The following GALNT13 variants were observed in gnomAD, a reference collection of about 807,000 sequenced individuals.
The protein encoded by GALNT13 is UDP-GalNAc:polypeptide N-acetylgalactosaminyltransferase 13.
A neutral mutation model predicts 64.2 loss-of-function variants in GALNT13; 28 were observed. That is an observed-to-expected ratio of 0.44 (90% CI 0.32 to 0.60). GALNT13 has a LOEUF of 0.60. GALNT13 is among the 20% of genes least tolerant of loss of function. GALNT13 has a pLI of 0.05. For missense variants in GALNT13, 577 were observed against 669.8 expected (o/e 0.86, Z 1.53); for synonymous variants, 214 against 224.6 (o/e 0.95, Z 0.42).
chr2:154,040,273 A>G (rs990534003), intron 3 of GALNT13, among the ~76,000 whole-genome samples: 1 of 140,838 alleles, frequency 7.1e-6, no homozygotes, highest in African/African-American at 2.4e-5. Context: ...TGCTCAAATC[A>G]AGAAGGTCAT....
At chr2:153,332,534 G>GTTTTTTTTTTTTTTTTTTTTT in the GALNT13 span, among the ~76,000 whole-genome samples, 2 of 136,260 alleles carry the variant, frequency 1.5e-5, no homozygotes, top group Non-Finnish European at 1.6e-5. Flanking sequence ...TGAGAGTATT[G>GTTTTTTTTTTTTTTTTTTTTT]TTTTTTTTTT....
chr2:153,195,817 A>G, the GALNT13 span, among the ~76,000 whole-genome samples: 1 of 152,206 alleles, frequency 6.6e-6, no homozygotes, highest in African/African-American at 2.4e-5. Context: ...GGTGAGCAAG[A>G]CAAAGAGGAG....
At chr2:153,379,093 G>A in the GALNT13 span, among the ~76,000 whole-genome samples, 6 of 152,082 alleles carry the variant, frequency 3.9e-5, no homozygotes, top group Non-Finnish European at 8.8e-5. Context: ...CCAAGGGGAC[G>A]AGATACTGTA....
At chr2:153,914,811 C>T (rs1209817550) in intron 2 of GALNT13, among the ~76,000 whole-genome samples, 1 of 151,994 alleles carries the variant, frequency 6.6e-6, no homozygotes, top group African/African-American at 2.4e-5. Flanking sequence ...TTTCCGTCTT[C>T]CTTGCATGTT....
At chr2:153,446,071 G>T in the GALNT13 span, among the ~76,000 whole-genome samples, 1 of 152,040 alleles carries the variant, frequency 6.6e-6, no homozygotes, top group African/African-American at 2.4e-5. Context: ...TACATAGCAT[G>T]GTCTATATTA....
intron 3 of GALNT13, among the ~76,000 whole-genome samples, chr2:154,130,978 A>C (rs1682578641): frequency 6.6e-6 from 1 of 151,812 alleles, no homozygotes; most frequent in Non-Finnish European, 1.5e-5. Flanking sequence ...TGGTTATTTC[A>C]AAAAAAAATT....
intron 3 of GALNT13, among the ~76,000 whole-genome samples, chr2:153,990,124 G>A (rs932976044): frequency 2.0e-5 from 3 of 152,022 alleles, no homozygotes; most frequent in African/African-American, 7.2e-5. Flanking sequence ...TCTTTCTGTA[G>A]ACTGGTGCTT....
intron 3 of GALNT13, among the ~76,000 whole-genome samples, chr2:153,983,941 G>T (rs774602823): frequency 2.6e-4 from 39 of 151,894 alleles, no homozygotes; most frequent in Non-Finnish European, 5.6e-4. Flanking sequence ...ATGTTTAATG[G>T]TATCACAGAA....
intron 8 of GALNT13, among the ~76,000 whole-genome samples, chr2:154,259,931 G>A (rs1260298275): frequency 2.6e-5 from 4 of 152,010 alleles, no homozygotes; most frequent in Non-Finnish European, 4.4e-5. Flanking sequence ...AGGCTGGAGT[G>A]GTACAGTGGT....
the GALNT13 span, among the ~76,000 whole-genome samples, chr2:153,528,745 A>C: frequency 6.6e-6 from 1 of 152,054 alleles, no homozygotes; most frequent in African/African-American, 2.4e-5. Context: ...CACAGAATAA[A>C]ACTAGAAATC....
chr2:154,230,273 G>A (rs1409405305), intron 4 of GALNT13, among the ~76,000 whole-genome samples: 1 of 152,066 alleles, frequency 6.6e-6, no homozygotes, highest in African/African-American at 2.4e-5. Flanking sequence ...CTTATGAATT[G>A]CAGGAGGAAG....
chr2:154,103,925 C>G (rs1440533709), intron 3 of GALNT13, among the ~76,000 whole-genome samples: 1 of 151,984 alleles, frequency 6.6e-6, no homozygotes, highest in African/African-American at 2.4e-5. Context: ...ATTTTGTGTT[C>G]CCATTTGGTC....
upstream of GALNT13, among the ~76,000 whole-genome samples, chr2:153,870,649 T>G (rs1169768244): frequency 1.3e-5 from 2 of 151,542 alleles, no homozygotes; most frequent in African/African-American, 4.9e-5. Context: ...ACATAGAAAT[T>G]TAAATGATAC....
At chr2:153,172,291 C>A in the GALNT13 span, among the ~76,000 whole-genome samples, 4 of 152,106 alleles carry the variant, frequency 2.6e-5, no homozygotes, top group African/African-American at 9.7e-5. Flanking sequence ...TCCTGTAAGC[C>A]ACCTTCGTTT....
At chr2:153,320,176 C>G in the GALNT13 span, among the ~76,000 whole-genome samples, 2 of 152,126 alleles carry the variant, frequency 1.3e-5, no homozygotes, top group Non-Finnish European at 2.9e-5. Flanking sequence ...TAGGATAAAG[C>G]AGGAAAAAGT....
At chr2:153,282,793 A>G in the GALNT13 span, among the ~76,000 whole-genome samples, 1 of 152,130 alleles carries the variant, frequency 6.6e-6, no homozygotes, top group African/African-American at 2.4e-5. Flanking sequence ...AGTTTTTGTA[A>G]TTATTTTCAT....
intron 2 of GALNT13, among the ~76,000 whole-genome samples, chr2:153,904,215 A>G (rs1171983339): frequency 8.6e-5 from 13 of 151,884 alleles, no homozygotes; most frequent in Non-Finnish European, 1.3e-4. Flanking sequence ...ATATTTATTC[A>G]TTGTATTGTT....
At chr2:153,507,031 A>AT in the GALNT13 span, among the ~76,000 whole-genome samples, 1 of 152,110 alleles carries the variant, frequency 6.6e-6, no homozygotes, top group African/African-American at 2.4e-5. Flanking sequence ...GGCTTGGTTC[A>AT]TTTTTTAAAA....
At chr2:153,252,019 A>T in the GALNT13 span, among the ~76,000 whole-genome samples, 1 of 151,424 alleles carries the variant, frequency 6.6e-6, no homozygotes, top group East Asian at 1.9e-4. Context: ...TGGTATTTCT[A>T]GTTCTAGATC....
Sources: allele counts gnomAD v4.1 joint callset (sites outside exome capture counted in the v4.1 genomes callset), GRCh38; gene constraint gnomAD v4.1.1; transcripts MANE v1.5; gene names NCBI Gene and HGNC (gene_info 2026-07-23, HGNC 2026-07-21).